TASOR2: variants seen among roughly 807,000 people sequenced by gnomAD.
The protein encoded by TASOR2 is protein TASOR 2.
TASOR2 carries 84 observed loss-of-function variants against 199.5 expected under a neutral mutation model. The ratio of observed to expected loss-of-function variants is 0.42; its 90% confidence interval spans 0.35 to 0.50. The LOEUF (loss-of-function observed/expected upper bound fraction) is 0.50. Among genes scored for constraint, TASOR2 ranks in the 20% least tolerant of loss-of-function variants. The pLI is 0.02. For synonymous variants in TASOR2, 1,103 were observed against 1,046.6 expected (o/e 1.05, Z -1.04); for missense variants, 2,796 against 2,835.9 (o/e 0.99, Z 0.32).
chr10:5,718,844 T>C (rs138102974), intron 3 of TASOR2, among the ~76,000 whole-genome samples: 327 of 152,312 alleles, frequency 2.1e-3, no homozygotes, highest in African/African-American at 6.9e-3. Flanking sequence ...CTTTCTTTTC[T>C]TGCTCTGCGA....
Position 5,719,477 on chromosome 10 carries a change from G to A in TASOR2, c.-99-1067G>A, listed in dbSNP as rs1161653704. Among the ~76,000 whole-genome samples, 1 of 152,042 alleles carries A rather than the reference G, an allele frequency of 6.6e-6. No individual in the cohort carries two copies. Among genetic ancestry groups the A allele is most frequent in the East Asian group, 1.9e-4 (1 of 5,188 alleles). On this transcript the variant is annotated intron_variant, in intron 3 of 20. Transcript: ENST00000328090. The surrounding 1 kb of genome is among the most constrained non-coding windows in gnomAD (Gnocchi z 4.1). ...CCTACCTCAGCCTCCCAAGTGGCTG[G>A]GACTACAGGCGCGCGCTACCACACC...
In TASOR2 at chr10:5,739,076, TC is replaced by T. The variant is rs1836011430; in HGVS notation, c.1448-541del. Among the ~76,000 whole-genome samples the T allele has an allele frequency of 4.6e-5, 7 of 152,238 alleles. No homozygotes were observed. The South Asian group carries it at 1.4e-3, about 32-fold the overall frequency. On this transcript the variant is annotated intron_variant, in intron 12 of 20. Coordinates refer to ENST00000328090, the Ensembl canonical transcript of TASOR2. Reference sequence around the variant, plus strand: ...TTCTATCACATCATGTAATTAAAGATCAATATAGTTAAAATCATTTGAACTT... The same window carrying T: ...TTCTATCACATCATGTAATTAAAGATAATATAGTTAAAATCATTTGAACTT...
chr10:5,693,573 T>TA (rs997044444), intron 1 of TASOR2, among the ~76,000 whole-genome samples: 8 of 152,094 alleles, frequency 5.3e-5, no homozygotes, highest in Non-Finnish European at 8.8e-5. Flanking sequence ...TTTCTTCATT[T>TA]AAAAAAAACC....
At chr10:5,694,225 A>G (rs974026002) in intron 1 of TASOR2, among the ~76,000 whole-genome samples, 2 of 152,240 alleles carry the variant, frequency 1.3e-5, no homozygotes, top group Non-Finnish European at 2.9e-5. Flanking sequence ...AAGATGAGGT[A>G]TAGGAAATTG....
Position 5,708,558 on chromosome 10 carries a change from CTTT to C in TASOR2, c.-287-4262_-287-4260del, listed in dbSNP as rs1321470257. Among the ~76,000 whole-genome samples the C allele has an allele frequency of 2.0e-5, 3 of 147,272 alleles. No homozygotes were observed. In the East Asian group the frequency reaches 7.4e-4, roughly 36 times the overall value. Reference sequence around the variant, plus strand: ...TTCCTTTCTTTCTCTTTCTTTCTTTCTTTTTCTTTCTTTCTCTCCTTTTCTCTC... The same window carrying C: ...TTCCTTTCTTTCTCTTTCTTTCTTTCTTCTTTCTTTCTCTCCTTTTCTCTC... On this transcript the variant is annotated intron_variant, in intron 1 of 20. Coordinates refer to ENST00000328090, the Ensembl canonical transcript of TASOR2.
chr10:5,755,591 G>A (rs915635915), intron 15 of TASOR2, among the ~76,000 whole-genome samples: 2 of 151,520 alleles, frequency 1.3e-5, no homozygotes, highest in African/African-American at 4.9e-5. Context: ...AAAGATCCAA[G>A]GGAAACAGAT....
intron 1 of TASOR2, among the ~76,000 whole-genome samples, chr10:5,694,100 A>T (rs919447744): frequency 6.6e-6 from 1 of 152,214 alleles, no homozygotes; most frequent in African/African-American, 2.4e-5. Context: ...GGAGAAAAAA[A>T]AAAGAATTCT....
chr10:5,749,724 G>A, exon 15 of TASOR2: 3 of 1,614,206 alleles, frequency 1.9e-6, no homozygotes, highest in South Asian at 1.1e-5. Context: ...ACAGTACTGT[G>A]AAGGAATCTC....
intron 1 of TASOR2, chr10:5,709,649 C>T: frequency 8.1e-7 from 1 of 1,230,968 alleles, no homozygotes. Flanking sequence ...GAGACAGGGT[C>T]CCTATCAGAA....
At position 5,687,720 on chromosome 10, in the gene TASOR2, C is replaced by T. The variant is rs1024327220; in HGVS notation, c.-288+2545C>T. Among the ~76,000 whole-genome samples the T allele has an allele frequency of 5.3e-5, 8 of 152,018 alleles. No individual in the cohort carries two copies. Among genetic ancestry groups the T allele is most frequent in the Non-Finnish European group, 7.4e-5 (5 of 68,008 alleles). On this transcript the variant is annotated intron_variant, in intron 1 of 20. Coordinates refer to ENST00000328090, the Ensembl canonical transcript of TASOR2. The surrounding 1 kb of genome is among the most constrained non-coding windows in gnomAD (Gnocchi z 4.8). ...AGGTAGTCCCAGCTACTCGGGAGGC[C>T]GAGACAAGAGAATCACTTGAACCTG...
chr10:5,746,729 G>A lies in TASOR2; in HGVS notation c.3308G>A (p.Arg1103Gln), dbSNP rs778187517. 25 of 1,613,936 alleles carry A rather than the reference G, an allele frequency of 1.5e-5. No homozygotes were observed. The South Asian group carries it at 2.3e-4, about 15-fold the overall frequency. Residue 1103 changes from arginine to glutamine, a missense_variant, in exon 15 of 21, where the codon CGA becomes CAA. Transcript: ENST00000328090. ...CCTGTATCCACCTCGGAAAATGCAC[G>A]AACACAAGGCCTGAGGGACATTCCC...
At chr10:5,691,808 T>TG (rs1229151914) in intron 1 of TASOR2, among the ~76,000 whole-genome samples, 2 of 152,194 alleles carry the variant, frequency 1.3e-5, no homozygotes, top group Non-Finnish European at 2.9e-5. Context: ...TAGGGCTGCA[T>TG]GGCTTATTGG....
intron 14 of TASOR2, among the ~76,000 whole-genome samples, chr10:5,743,278 G>A (rs534492251): frequency 6.6e-6 from 1 of 152,278 alleles, no homozygotes; most frequent in Admixed American, 6.5e-5. Context: ...GGGGTCACCG[G>A]GGACTTGGAG....
chr10:5,762,998 G>A lies in TASOR2; in HGVS notation c.7290-31G>A, dbSNP rs992996349. ...ATATTTCTTGTTCGTATTATTTTAA[G>A]AAGTTCTTTATCAATTTTGTGTTTC... is the stretch of plus-strand genomic sequence containing the variant. On this transcript the variant is annotated intron_variant, in intron 20 of 20. Transcript: ENST00000328090. 4.4e-6 allele frequency: 7 copies of A among 1,605,758 alleles called. No individual in the cohort carries two copies. The African/African-American group carries it at 9.4e-5, about 21-fold the overall frequency.
rs1231017069 is a variant in TASOR2, at chr10:5,687,266, C to T, written c.-288+2091C>T. On this transcript the variant is annotated intron_variant, in intron 1 of 20. Transcript: ENST00000328090. The surrounding 1 kb of genome is among the most constrained non-coding windows in gnomAD (Gnocchi z 4.8). ...TACCCCAGGAGGAATGCGTTCCCTG[C>T]CCCCCGTTACCCTGGCCATTATTAA... Among the ~76,000 whole-genome samples the T allele has an allele frequency of 1.3e-5, 2 of 151,522 alleles. No homozygotes were observed. The highest frequency in any genetic ancestry group is 1.5e-5 in the Non-Finnish European group (1 of 67,548).
intron 1 of TASOR2, among the ~76,000 whole-genome samples, chr10:5,688,574 A>C (rs1463407410): frequency 1.3e-5 from 2 of 151,998 alleles, no homozygotes; most frequent in African/African-American, 4.8e-5. Flanking sequence ...AAATCATATG[A>C]ATGAACTTCT....
chr10:5,714,192 G>A lies in TASOR2; in HGVS notation c.-192+1274G>A, dbSNP rs1048090416. 9 of 1,231,800 alleles carry A rather than the reference G, an allele frequency of 7.3e-6. No individual in the cohort carries two copies. The South Asian group carries it at 3.7e-4, about 51-fold the overall frequency. The allele number at this position is 1,231,800 out of a possible 1,614,324, so 76.3% of individuals were successfully genotyped here. On this transcript the variant is annotated intron_variant, in intron 2 of 20. Transcript: ENST00000328090. ...TGGCAGCAGTGCTGTTACCACTCTG[G>A]GTGATCCAGCCAAAGGTAAGTCCGT...
intron 2 of TASOR2, among the ~76,000 whole-genome samples, chr10:5,715,032 G>A (rs1832427227): frequency 6.6e-6 from 1 of 152,076 alleles, no homozygotes; most frequent in Non-Finnish European, 1.5e-5. Context: ...GTGTGGGGAG[G>A]TACAGCGAGG....
At position 5,739,749 on chromosome 10, in the gene TASOR2, G is replaced by A. The variant is rs369555939; in HGVS notation, c.1579G>A (p.Val527Ile). 19 of 1,614,056 alleles carry A rather than the reference G, an allele frequency of 1.2e-5. No homozygotes were observed. The highest frequency in any genetic ancestry group is 3.3e-5 in the South Asian group (3 of 91,092). Residue 527 changes from valine (V) to isoleucine (I), a missense_variant, in exon 13 of 21, where the codon GTC becomes ATC. Around this residue, in one of 3 missense-constraint regions of TASOR2, gnomAD observed 847 missense variants for 887.4 expected, o/e 0.95. Coordinates refer to ENST00000328090, the Ensembl canonical transcript of TASOR2. ...CAATGATCTTCCTGAAAACTCCATC[G>A]TCAACTATGACTCCCAGGCCCTAAA...
Sources: allele counts gnomAD v4.1 joint callset (sites outside exome capture counted in the v4.1 genomes callset), GRCh38; gene constraint gnomAD v4.1.1; regional missense constraint gnomAD v4.1.1; non-coding constraint Gnocchi (gnomAD v3.1); transcripts MANE v1.5; gene names NCBI Gene and HGNC (gene_info 2026-07-23, HGNC 2026-07-21).